Variants in GCLM observed in about 807,000 individuals in gnomAD.
The protein encoded by GCLM is glutamate--cysteine ligase regulatory subunit.
In GCLM, 15 loss-of-function variants were observed where a neutral mutation model predicts 36.0. That is an observed-to-expected ratio of 0.42 (90% CI 0.28 to 0.64). The LOEUF (loss-of-function observed/expected upper bound fraction) is 0.64, where lower values mean the gene tolerates loss of function less well. Among genes scored for constraint, GCLM ranks in the 30% least tolerant of loss-of-function variants. GCLM has a pLI of 0.25. For missense variants in GCLM, 242 were observed against 325.5 expected, an observed-to-expected ratio of 0.74 and a Z score of 1.97; for synonymous variants, 129 against 122.8, an observed-to-expected ratio of 1.05 and a Z score of -0.34.
At chr1:93,900,438 C>T (rs937349088) in intron 3 of GCLM, among the ~76,000 whole-genome samples, 4 of 152,272 alleles carry the variant, frequency 2.6e-5, no homozygotes, top group South Asian at 4.1e-4. Flanking sequence ...TGTTGCTTTA[C>T]GTCCTTTCCA....
chr1:93,903,006 T>C (rs1004943111), intron 2 of GCLM, among the ~76,000 whole-genome samples: 1 of 152,188 alleles, frequency 6.6e-6, no homozygotes, highest in East Asian at 1.9e-4. Context: ...TTCCTCTATG[T>C]CTTTTCATGG....
rs777135699 is a variant in GCLM, at chr1:93,894,625, T to C, written c.644A>G (p.Asn215Ser). ...KQFDIQLLTH[N>S]DPKELLSEAS... The stretch of plus-strand genomic sequence containing the variant: ...AATATCAGTTTTACCTTTTGGATCA[T>C]TGTGAGTCAACAGCTGTATGTCAAA... The change falls in exon 6 of 7, where the codon AAT becomes AGT. Residue 215 changes from asparagine (N) to serine (S), a missense_variant. Coordinates refer to ENST00000370238, the MANE Select transcript of GCLM (RefSeq NM_002061.4). 3 of 1,555,582 alleles carry C rather than the reference T, an allele frequency of 1.9e-6. No homozygotes were observed. The highest frequency in any genetic ancestry group is 1.4e-5 in the African/African-American group (1 of 73,718).
intron 3 of GCLM, among the ~76,000 whole-genome samples, 167 bp from the exon 4 acceptor site, chr1:93,898,065 TA>T (rs1424719951): frequency 6.6e-6 from 1 of 152,056 alleles, no homozygotes; most frequent in Non-Finnish European, 1.5e-5. Context: ...CATAAATGTA[TA>T]GTTCCACTAT....
chr1:93,906,417 G>T (rs1299666867), intron 1 of GCLM, among the ~76,000 whole-genome samples: 1 of 152,164 alleles, frequency 6.6e-6, no homozygotes, highest in Non-Finnish European at 1.5e-5. Flanking sequence ...CAAATCGTGG[G>T]ATAATTCTAA....
chr1:93,900,184 T>C (rs569917140), intron 3 of GCLM, among the ~76,000 whole-genome samples: 1 of 152,254 alleles, frequency 6.6e-6, no homozygotes, highest in South Asian at 2.1e-4. Context: ...GGTCTAACTT[T>C]AGCCCCTATA....
At chr1:93,897,699 G>GA (rs1656782713) in intron 4 of GCLM, 140 bp downstream of exon 4, 1 of 554,480 alleles carries the variant, frequency 1.8e-6, no homozygotes, top group Admixed American at 4.1e-5. Flanking sequence ...GAAGCCTTAA[G>GA]AAACTAAGCT....
At chr1:93,898,303 G>GGAAA (rs1280846874) in intron 3 of GCLM, among the ~76,000 whole-genome samples, 1 of 16,442 alleles carries the variant, frequency 6.1e-5, no homozygotes. Context: ...GAAGAAAACT[G>GGAAA]AAAAAAAAAA....
chr1:93,900,472 A>G (rs1361712177), intron 3 of GCLM, among the ~76,000 whole-genome samples: 1 of 152,240 alleles, frequency 6.6e-6, no homozygotes, highest in African/African-American at 2.4e-5. Flanking sequence ...TGTGAAATTA[A>G]CAGGAAAAAA....
intron 2 of GCLM, 122 bp downstream of exon 2, chr1:93,904,401 A>C: frequency 2.8e-6 from 2 of 704,190 alleles, no homozygotes; most frequent in Non-Finnish European, 5.2e-6. Flanking sequence ...CAGCAAATCA[A>C]CCACAGAGAG....
chr1:93,908,351 G>T (rs1316194889), intron 1 of GCLM, among the ~76,000 whole-genome samples: 2 of 152,068 alleles, frequency 1.3e-5, no homozygotes, highest in African/African-American at 4.8e-5. Context: ...TTTAATTTTT[G>T]AATTGATAGA....
At chr1:93,889,956 G>C (rs1288004800) in intron 6 of GCLM, among the ~76,000 whole-genome samples, 1 of 150,838 alleles carries the variant, frequency 6.6e-6, no homozygotes, top group African/African-American at 2.4e-5. Context: ...CTGTTGCCCA[G>C]GCTGGAGTGC....
In GCLM at chr1:93,888,523, C is replaced by T. The variant is rs1656406478; in HGVS notation, c.*467G>A. The stretch of plus-strand genomic sequence containing the variant: ...AGCTACTCCAGTTACTCTGATATAT[C>T]TCATCAATGACAGGAAAAATATCTT... On this transcript the variant is annotated 3_prime_UTR_variant, in exon 7 of 7. Transcript: ENST00000370238. 6.6e-6 allele frequency: 1 copy of T among 152,392 alleles called. No homozygotes were observed. The highest frequency in any genetic ancestry group is 2.1e-4 in the South Asian group (1 of 4,832). The allele number at this position is 152,392 out of a possible 1,614,324, so 9.4% of individuals were successfully genotyped here. A position where few individuals can be genotyped will look rare whatever the true frequency, so the allele number is the denominator to read the frequency against.
chr1:93,902,458 A>G (rs373324788), intron 2 of GCLM, among the ~76,000 whole-genome samples: 53 of 149,194 alleles, frequency 3.6e-4, no homozygotes, highest in African/African-American at 9.8e-4. Flanking sequence ...GATTACAGGC[A>G]TGAGCCACCG....
chr1:93,906,060 G>A (rs1657135758), intron 1 of GCLM, among the ~76,000 whole-genome samples: 1 of 152,166 alleles, frequency 6.6e-6, no homozygotes. Context: ...AACTATGACT[G>A]CTTATGATAA....
intron 6 of GCLM, among the ~76,000 whole-genome samples, chr1:93,890,965 C>T (rs1413856828): frequency 6.6e-6 from 1 of 150,804 alleles, no homozygotes; most frequent in East Asian, 1.9e-4. Flanking sequence ...CAGCCTCAAA[C>T]TTCTGGGCTC....
At chr1:93,899,365 G>A (rs761102312) in intron 3 of GCLM, among the ~76,000 whole-genome samples, 4 of 152,050 alleles carry the variant, frequency 2.6e-5, no homozygotes, top group Non-Finnish European at 5.9e-5. Context: ...GAGCCACTGC[G>A]CCCAGCCAAT....
chr1:93,904,280 A>G (rs1458291682), intron 2 of GCLM: 1 of 461,088 alleles, frequency 2.2e-6, no homozygotes, highest in African/African-American at 2.0e-5. Context: ...TAGTGAGGAA[A>G]CCATGGTGAG....
At chr1:93,896,178 G>C (rs1005114530) in intron 5 of GCLM, among the ~76,000 whole-genome samples, 1 of 151,824 alleles carries the variant, frequency 6.6e-6, no homozygotes, top group Non-Finnish European at 1.5e-5. Context: ...GGTCAGGCTG[G>C]TCTCGAACTC....
chr1:93,889,308 A>G (rs1417026464), intron 6 of GCLM, 149 bp from the exon 7 acceptor site: 1 of 474,356 alleles, frequency 2.1e-6, no homozygotes, highest in Non-Finnish European at 3.6e-6. Flanking sequence ...TGTGCTATGA[A>G]TCTGAACCAG....
Sources: gnomAD v4.1 joint callset for allele counts (sites outside exome capture counted in the v4.1 genomes callset) on GRCh38, gnomAD v4.1.1 for gene constraint, MANE v1.5 for transcripts, NCBI Gene and HGNC (gene_info 2026-07-23, HGNC 2026-07-21) for gene names.